Variants in PUM1 observed in about 807,000 individuals in gnomAD.
PUM1 encodes pumilio RNA binding family member 1, also known as pumilio homolog 1.
PUM1 carries 13 observed loss-of-function variants against 131.8 expected under a neutral mutation model. The ratio of observed to expected loss-of-function variants is 0.10; its 90% CI spans 0.06 to 0.16. The LOEUF (loss-of-function observed/expected upper bound fraction) is 0.16. Among genes scored for constraint, PUM1 ranks in the 10% least tolerant of loss-of-function variants. PUM1 has a pLI of 1.00. For synonymous variants in PUM1, 509 were observed against 556.5 expected, an observed-to-expected ratio of 0.91 and a Z score of 1.20; for missense variants, 961 against 1,512.4, an observed-to-expected ratio of 0.64 and a Z score of 6.05.
At chr1:30,974,917 T>C in intron 9 of PUM1, 115 bp from the exon 10 acceptor site, 1 of 717,862 alleles carries the variant, frequency 1.4e-6, no homozygotes, top group Non-Finnish European at 2.2e-6. Context: ...CTTAAAAGTA[T>C]ATATTAATTT....
At chr1:31,064,266 AAAC>A (rs1644432021) in intron 1 of PUM1, among the ~76,000 whole-genome samples, 1 of 152,202 alleles carries the variant, frequency 6.6e-6, no homozygotes, top group African/African-American at 2.4e-5. Flanking sequence ...AACCTAAACT[AAAC>A]AAATTCCAAC....
intron 19 of PUM1, 119 bp from the exon 20 acceptor site, chr1:30,941,391 A>C (rs901589399): frequency 1.9e-6 from 2 of 1,032,460 alleles, no homozygotes; most frequent in Non-Finnish European, 2.7e-6. Context: ...GTTTATATGA[A>C]TACTAATGAA....
intron 2 of PUM1, among the ~76,000 whole-genome samples, chr1:31,030,782 C>G (rs1362788286): frequency 6.6e-6 from 1 of 151,980 alleles, no homozygotes; most frequent in East Asian, 1.9e-4. Flanking sequence ...TCTTAACTGT[C>G]AGAACTAACA....
intron 3 of PUM1, among the ~76,000 whole-genome samples, chr1:31,017,254 CG>C (rs1642851421): frequency 6.6e-6 from 1 of 152,044 alleles, no homozygotes; most frequent in Admixed American, 6.5e-5. Flanking sequence ...CAAACGGACA[CG>C]TAATTTTAAG....
At chr1:31,055,728 G>A (rs1326401147) in intron 2 of PUM1, among the ~76,000 whole-genome samples, 2 of 152,116 alleles carry the variant, frequency 1.3e-5, no homozygotes, top group Non-Finnish European at 1.5e-5. Flanking sequence ...CTTATGATAG[G>A]GCTCAGTGTA....
intron 21 of PUM1, 99 bp from the exon 22 acceptor site, chr1:30,933,441 C>CACACACACACACAT (rs1639048165): frequency 6.8e-6 from 1 of 146,904 alleles, no homozygotes; most frequent in Non-Finnish European, 1.2e-5. Context: ...CACACACATA[C>CACACACACACACAT]ACACACACAC....
In PUM1 at chr1:30,942,088, T is replaced by C. The variant is rs1171113168; in HGVS notation, c.3030A>G (p.Arg1010=). ...AGTGCTCCAGGATTCTCTGAATCAC[T>C]CGGCAGCCATAAGGATGTGTGGATA... ...FALSTHPYGC[R]VIQRILEHCL... Residue 1010 remains arginine, a synonymous_variant, in exon 19 of 22, where the codon CGA becomes CGG. Coordinates refer to ENST00000426105, the MANE Select transcript of PUM1 (RefSeq NM_001020658.2). The C allele has an allele frequency of 3.1e-6, 5 of 1,588,252 alleles. No individual in the cohort carries two copies. In the South Asian group the frequency reaches 3.3e-5, roughly 11 times the overall value.
In PUM1 at chr1:30,967,224, G is replaced by C; in HGVS notation, c.1732C>G (p.Pro578Ala). 1 of 1,614,056 alleles carries C rather than the reference G, an allele frequency of 6.2e-7. No homozygotes were observed. The highest frequency in any genetic ancestry group is 8.5e-7 in the Non-Finnish European group (1 of 1,179,990). ...NAGARNGLGA[P>A]VRLVAPAPVI... Reference sequence around the variant, plus strand: ...GGGGCAGGAGCTACAAGTCGAACAGGAGCTCCAAGACCATTTCTCGCGCCT... The same window carrying C: ...GGGGCAGGAGCTACAAGTCGAACAGCAGCTCCAAGACCATTTCTCGCGCCT... The change falls in exon 12 of 22, where the codon CCT becomes GCT. Residue 578 changes from proline to alanine, a missense_variant. Physicochemically the swap from Pro to Ala is conservative, Grantham distance 27. This residue lies in a region of PUM1 where 654 missense variants were observed against 923.9 expected (regional missense o/e 0.71). Transcript: ENST00000426105.
At chr1:31,053,265 G>T (rs1644155879) in intron 2 of PUM1, among the ~76,000 whole-genome samples, 1 of 150,986 alleles carries the variant, frequency 6.6e-6, no homozygotes. Flanking sequence ...CTCCCAAAGT[G>T]CTGGGAGTAC....
chr1:30,949,985 G>A (rs1639860695), intron 17 of PUM1, 142 bp downstream of exon 17: 1 of 875,770 alleles, frequency 1.1e-6, no homozygotes, highest in Admixed American at 2.8e-5. Flanking sequence ...CACAGTTCAT[G>A]CTTGCCATGC....
rs1247861732 is a variant in PUM1, at chr1:30,953,607, T to TA, written c.2591+106dup. On this transcript the variant is annotated intron_variant, in intron 15 of 21. Transcript: ENST00000426105. The stretch of plus-strand genomic sequence containing the variant: ...TGATGCAAACTAAGAGGCACGCTTT[T>TA]AAAAAATTACTATATGGCAATTTAT... 3.9e-6 allele frequency: 5 copies of TA among 1,279,710 alleles called. No individual in the cohort carries two copies. The African/African-American group carries it at 4.5e-5, about 11-fold the overall frequency. 79.3% of individuals were successfully genotyped at this position (1,279,710 alleles called of 1,614,324 possible). A position where few individuals can be genotyped will look rare whatever the true frequency, so the allele number is the denominator to read the frequency against.
At chr1:31,055,774 C>T (rs962767894) in intron 2 of PUM1, among the ~76,000 whole-genome samples, 1 of 152,142 alleles carries the variant, frequency 6.6e-6, no homozygotes. Flanking sequence ...ATAAACGCTT[C>T]TTAACTTGCA....
At chr1:30,973,481 A>G (rs1641012658) in intron 10 of PUM1, among the ~76,000 whole-genome samples, 1 of 152,226 alleles carries the variant, frequency 6.6e-6, no homozygotes, top group African/African-American at 2.4e-5. Context: ...AAGGATGTTA[A>G]TCAATCTCAT....
At chr1:30,975,356 G>GT (rs916597920) in intron 9 of PUM1, among the ~76,000 whole-genome samples, 7 of 59,712 alleles carry the variant, frequency 1.2e-4, no homozygotes, top group South Asian at 1.0e-3. Context: ...TGTTTTTTTT[G>GT]TTTTTTTGTT....
intron 10 of PUM1, among the ~76,000 whole-genome samples, chr1:30,972,299 G>A (rs1365642168): frequency 0.38 from 6 of 16 alleles, no homozygotes; most frequent in Non-Finnish European, 0.42. Context: ...GAGGGGAGGG[G>A]AGGGGAGGGG....
chr1:31,006,046 C>T lies in PUM1; in HGVS notation c.542-15G>A, dbSNP rs1241040081. 5.7e-6 allele frequency: 9 copies of T among 1,591,270 alleles called. No homozygotes were observed. In the Admixed American group the frequency reaches 1.6e-4, roughly 28 times the overall value. On this transcript the variant is annotated splice_polypyrimidine_tract_variant and intron_variant, in intron 4 of 21. Transcript: ENST00000426105. ...AACTGAATGATCTACAAAAAAGATA[C>T]ACAAGCATGATACAGTGCAGCCAGA...
intron 2 of PUM1, among the ~76,000 whole-genome samples, chr1:31,057,232 C>T (rs561320845): frequency 2.4e-4 from 37 of 151,290 alleles, no homozygotes; most frequent in African/African-American, 9.0e-4. Context: ...GGCAAAACCC[C>T]GTCTCTACAA....
At chr1:31,044,764 G>A (rs576732876) in intron 2 of PUM1, among the ~76,000 whole-genome samples, 43 of 152,128 alleles carry the variant, frequency 2.8e-4, no homozygotes, top group African/African-American at 8.2e-4. Flanking sequence ...TGCAAGCTCC[G>A]CCTCAGGCTC....
At chr1:30,951,873 TG>T in intron 16 of PUM1, among the ~76,000 whole-genome samples, 1 of 152,344 alleles carries the variant, frequency 6.6e-6, no homozygotes, top group East Asian at 1.9e-4. Context: ...AATTTGTTTT[TG>T]GCAATATTTT....
Sources: allele counts gnomAD v4.1 joint callset (sites outside exome capture counted in the v4.1 genomes callset), GRCh38; gene constraint gnomAD v4.1.1; regional missense constraint gnomAD v4.1.1; transcripts MANE v1.5; gene names NCBI Gene and HGNC (gene_info 2026-07-23, HGNC 2026-07-21).